NRG1: variants seen among roughly 807,000 people sequenced by gnomAD.
The protein encoded by NRG1 is neuregulin 1.
In NRG1, 18 loss-of-function variants were observed where a neutral mutation model predicts 63.8. The observed-to-expected ratio is 0.28, with a 90% CI of 0.19 to 0.42. The LOEUF is 0.42. Among genes scored for constraint, NRG1 ranks in the 10% least tolerant of loss-of-function variants. NRG1 has a pLI of 1.00. For synonymous variants in NRG1, 302 were observed against 301.3 expected (o/e 1.00, Z -0.02); for missense variants, 762 against 814.7 (o/e 0.94, Z 0.79).
At chr8:32,159,519 C>A (rs1428161163) in intron 1 of NRG1, among the ~76,000 whole-genome samples, 2 of 130,688 alleles carry the variant, frequency 1.5e-5, no homozygotes, top group African/African-American at 6.4e-5. Context: ...CCGGCCTGGG[C>A]GACAGAGCGA....
At chr8:32,608,513 A>G (rs1845750783) in intron 3 of NRG1, among the ~76,000 whole-genome samples, 1 of 151,602 alleles carries the variant, frequency 6.6e-6, no homozygotes, top group Non-Finnish European at 1.5e-5. Context: ...CTTACTCTGT[A>G]TCTGACTATA....
intron 1 of NRG1, among the ~76,000 whole-genome samples, chr8:32,056,843 T>C (rs1422806602): frequency 6.6e-6 from 1 of 152,116 alleles, no homozygotes; most frequent in Non-Finnish European, 1.5e-5. Context: ...AAATAAATTT[T>C]AAAAAATGCT....
chr8:32,023,520 T>C (rs1291922046), intron 1 of NRG1, among the ~76,000 whole-genome samples: 2 of 152,224 alleles, frequency 1.3e-5, no homozygotes, highest in Non-Finnish European at 2.9e-5. Flanking sequence ...CCAGGTTTTC[T>C]GCAGAAACTC....
chr8:31,901,943 C>CG, intron 1 of NRG1, among the ~76,000 whole-genome samples: 1 of 152,094 alleles, frequency 6.6e-6, no homozygotes, highest in Non-Finnish European at 1.5e-5. Context: ...CTCCATGAAA[C>CG]GGAACTTATT....
chr8:31,721,679 TTCC>T (rs1187582861), intron 1 of NRG1, among the ~76,000 whole-genome samples: 1 of 152,176 alleles, frequency 6.6e-6, no homozygotes, highest in Non-Finnish European at 1.5e-5. Context: ...GATTTTTTTC[TTCC>T]TTCTTCTTAC....
At chr8:31,994,423 T>C (rs1312138771) in intron 1 of NRG1, among the ~76,000 whole-genome samples, 1 of 151,428 alleles carries the variant, frequency 6.6e-6, no homozygotes, top group Non-Finnish European at 1.5e-5. Flanking sequence ...GAAGCCGAGG[T>C]GGGAGGATCA....
Position 32,647,517 on chromosome 8 carries a change from C to T in NRG1, c.502+30632C>T, listed in dbSNP as rs1022396215. ...GAAACAGCAGCTTAAAGAATTATTA[C>T]GATATACTTTGATTTTGTAGTTGCT... On this transcript the variant is annotated intron_variant, in intron 5 of 11. Transcript: ENST00000356819. The T allele has an allele frequency of 5.1e-6, 5 of 985,208 alleles. No homozygotes were observed. The African/African-American group carries it at 7.0e-5, about 14-fold the overall frequency. 61.0% of individuals were successfully genotyped at this position (985,208 alleles called of 1,614,324 possible).
At chr8:32,614,329 GA>G (rs1303261750) in intron 3 of NRG1, 184 bp from the exon 4 acceptor site, 1 of 485,508 alleles carries the variant, frequency 2.1e-6, no homozygotes, top group African/African-American at 1.9e-5. Flanking sequence ...TAAGAAAGGA[GA>G]ACTATCAATT....
intron 1 of NRG1, among the ~76,000 whole-genome samples, chr8:32,497,433 A>G (rs1168597412): frequency 7.3e-6 from 1 of 137,328 alleles, no homozygotes; most frequent in Non-Finnish European, 1.6e-5. Flanking sequence ...GGCGACAGAG[A>G]GAGATTTTGT....
At chr8:32,034,567 C>CA (rs1240829661) in intron 1 of NRG1, among the ~76,000 whole-genome samples, 1 of 152,124 alleles carries the variant, frequency 6.6e-6, no homozygotes, top group Non-Finnish European at 1.5e-5. Context: ...AGCTGTAGAC[C>CA]AGTCTATTCC....
At chr8:32,241,928 A>G (rs898863034) in intron 1 of NRG1, among the ~76,000 whole-genome samples, 2 of 151,926 alleles carry the variant, frequency 1.3e-5, no homozygotes, top group African/African-American at 4.8e-5. Context: ...TATTTTTAAA[A>G]TTTTTTGTAG....
intron 1 of NRG1, among the ~76,000 whole-genome samples, chr8:32,051,448 A>C (rs1034307289): frequency 1.3e-5 from 2 of 152,212 alleles, no homozygotes; most frequent in African/African-American, 4.8e-5. Flanking sequence ...TACTTTGACT[A>C]TCTGTCATTT....
At chr8:32,752,248 G>A (rs1250731928) in intron 7 of NRG1, among the ~76,000 whole-genome samples, 3 of 152,074 alleles carry the variant, frequency 2.0e-5, no homozygotes, top group African/African-American at 7.2e-5. Flanking sequence ...CCTAAAACCT[G>A]ATCAGGATAC....
chr8:31,981,483 A>G (rs1586237351), intron 1 of NRG1, among the ~76,000 whole-genome samples: 1 of 152,214 alleles, frequency 6.6e-6, no homozygotes, highest in East Asian at 1.9e-4. Context: ...AGAAATCTAT[A>G]GAGTGAACTA....
chr8:31,951,031 A>C (rs188967094), intron 1 of NRG1, among the ~76,000 whole-genome samples: 5 of 152,348 alleles, frequency 3.3e-5, no homozygotes, highest in Admixed American at 6.5e-5. Flanking sequence ...TAATCCTCTT[A>C]TTAACTTCAT....
chr8:32,171,305 C>A (rs996468751), intron 1 of NRG1: 2 of 152,060 alleles, frequency 1.3e-5, no homozygotes, highest in African/African-American at 2.4e-5. Context: ...TATATGTGTG[C>A]CATGGTTGTT....
At chr8:31,678,768 A>G (rs998807863) in intron 1 of NRG1, among the ~76,000 whole-genome samples, 4 of 147,764 alleles carry the variant, frequency 2.7e-5, no homozygotes, top group Admixed American at 6.8e-5. Flanking sequence ...ATAATCAAAT[A>G]ATATTGATAT....
chr8:32,597,415 T>TAA (rs1320138078), intron 2 of NRG1, among the ~76,000 whole-genome samples: 1 of 152,194 alleles, frequency 6.6e-6, no homozygotes, highest in Non-Finnish European at 1.5e-5. Flanking sequence ...TGACTCTAGT[T>TAA]ATTGATCATG....
intron 1 of NRG1, among the ~76,000 whole-genome samples, chr8:32,151,053 A>T (rs1431766220): frequency 6.6e-6 from 1 of 152,168 alleles, no homozygotes; most frequent in Non-Finnish European, 1.5e-5. Flanking sequence ...TTTCAGGAAG[A>T]AGTGTAATAG....
Sources: gnomAD v4.1 joint callset for allele counts (sites outside exome capture counted in the v4.1 genomes callset) on GRCh38, gnomAD v4.1.1 for gene constraint, MANE v1.5 for transcripts, NCBI Gene and HGNC (gene_info 2026-07-23, HGNC 2026-07-21) for gene names.